The following CPSF7 variants were observed in gnomAD, a reference collection of about 807,000 sequenced individuals.
CPSF7 encodes the protein cleavage and polyadenylation specific factor 7.
A neutral mutation model predicts 44.3 loss-of-function variants in CPSF7; 1 was observed. That is an observed-to-expected ratio of 0.02 (90% CI 0.01 to 0.11). The LOEUF (loss-of-function observed/expected upper bound fraction) is 0.11. Among genes scored for constraint, CPSF7 ranks in the 10% least tolerant of loss-of-function variants. The probability of loss-of-function intolerance (pLI) is 1.00; values close to 1 mark genes in which losing one functional copy is unlikely to be tolerated. For missense variants in CPSF7, 443 were observed against 607.2 expected (o/e 0.73, Z 2.84); for synonymous variants, 202 against 222.0 (o/e 0.91, Z 0.80).
chr11:61,421,712 T>G lies in CPSF7; in HGVS notation c.55-104A>C, dbSNP rs12289629. The G allele has an allele frequency of 0.011, 8,705 of 814,852 alleles. 556 individuals carry two copies. In the African/African-American group the frequency reaches 0.13, roughly 12 times the overall value. 50.5% of individuals were successfully genotyped at this position (814,852 alleles called of 1,614,324 possible). The stretch of plus-strand genomic sequence containing the variant: ...CCAGTTAAATACTTGGTAAAACATG[T>G]ACAAAACTTCCTTGTCCTACCCCAG... On this transcript the variant is annotated intron_variant, in intron 2 of 9. Coordinates refer to ENST00000439958, the MANE Select transcript of CPSF7 (RefSeq NM_001142565.3).
intron 9 of CPSF7, among the ~76,000 whole-genome samples, chr11:61,408,402 C>G (rs1181541473): frequency 6.6e-6 from 1 of 152,014 alleles, no homozygotes; most frequent in African/African-American, 2.4e-5. Context: ...CCACCGTGCT[C>G]GGCCAAGGAC....
At position 61,403,057 on chromosome 11, in the gene CPSF7, T is replaced by C. The variant is rs1447589667; in HGVS notation, c.*1653A>G. ...TGGCCAGTTGGGTGGGGTGCCATGT[T>C]CTGAAGTGGAGGTGGGGATGGGGTT... is the stretch of plus-strand genomic sequence containing the variant. On this transcript the variant is annotated 3_prime_UTR_variant, in exon 10 of 10. Transcript: ENST00000439958. The C allele has an allele frequency of 6.6e-6, 1 of 151,936 alleles. No homozygotes were observed. Among genetic ancestry groups the C allele is most frequent in the East Asian group, 1.9e-4 (1 of 5,180 alleles). 9.4% of individuals were successfully genotyped at this position (151,936 alleles called of 1,614,324 possible).
chr11:61,421,459 A>G lies in CPSF7; in HGVS notation c.204T>C (p.Pro68=), dbSNP rs201724202. 6.2e-7 allele frequency: 1 copy of G among 1,614,174 alleles called. No individual in the cohort carries two copies. The highest frequency in any genetic ancestry group is 8.5e-7 in the Non-Finnish European group (1 of 1,180,020). The change falls in exon 3 of 10, where the codon CCT becomes CCC. Residue 68 remains proline (P), a synonymous_variant. Coordinates refer to ENST00000439958, the MANE Select transcript of CPSF7 (RefSeq NM_001142565.3). ...EPSPKPNNKT[P]AILYTYSGLR... is the part of the protein sequence containing the mutation. Reference sequence around the variant, plus strand: ...GGCCACTGTAGGTATACAGAATTGCAGGGGTCTTGTTGTTGGGCTTGGGAG... The same window carrying G: ...GGCCACTGTAGGTATACAGAATTGCGGGGGTCTTGTTGTTGGGCTTGGGAG...
chr11:61,416,062 T>C (rs766060620), intron 6 of CPSF7, 43 bp downstream of exon 6: 2 of 1,459,870 alleles, frequency 1.4e-6, no homozygotes, highest in Non-Finnish European at 1.8e-6. Flanking sequence ...CTTAATACAC[T>C]TATTTACCCT....
chr11:61,405,450 A>G (rs1323784839), intron 9 of CPSF7, among the ~76,000 whole-genome samples: 1 of 152,216 alleles, frequency 6.6e-6, no homozygotes, highest in Non-Finnish European at 1.5e-5. Flanking sequence ...AGGCCAGAAC[A>G]GAAAGCAGAG....
chr11:61,427,533 G>C (rs772601671), intron 2 of CPSF7, among the ~76,000 whole-genome samples: 7 of 151,630 alleles, frequency 4.6e-5, no homozygotes, highest in Middle Eastern at 3.2e-3. Flanking sequence ...CACGCCTGTA[G>C]TCCCAGCTAC....
intron 2 of CPSF7, chr11:61,428,836 T>C (rs1041343186): frequency 6.5e-5 from 11 of 169,110 alleles, no homozygotes; most frequent in Non-Finnish European, 2.5e-5. Flanking sequence ...ATCAACACTG[T>C]CCTCATGAAT....
chr11:61,413,293 A>G (rs1053561116), intron 7 of CPSF7, among the ~76,000 whole-genome samples: 3 of 152,152 alleles, frequency 2.0e-5, no homozygotes, highest in African/African-American at 7.2e-5. Flanking sequence ...GTGTGTATAT[A>G]TATGATATTT....
rs967500655 is a variant in CPSF7 at position 61,402,900 on chromosome 11, T to C, written c.*1810A>G. 1.3e-5 allele frequency: 2 copies of C among 152,378 alleles called. No individual in the cohort carries two copies. Among genetic ancestry groups the C allele is most frequent in the African/African-American group, 4.8e-5 (2 of 41,354 alleles). The allele number at this position is 152,378 out of a possible 1,614,324, so 9.4% of individuals were successfully genotyped here. The stretch of plus-strand genomic sequence containing the variant: ...TGTCATTGAGTAAAAACAAAACAAA[T>C]GGGGAGAAAAAAATTCTCCGGGTAA... On this transcript the variant is annotated 3_prime_UTR_variant, in exon 10 of 10. Transcript: ENST00000439958.
chr11:61,411,155 C>G, intron 8 of CPSF7, 50 bp from the exon 9 acceptor site: 1 of 1,533,502 alleles, frequency 6.5e-7, no homozygotes, highest in Non-Finnish European at 8.8e-7. Flanking sequence ...CACTTTCTTT[C>G]CAAGAATGTG....
intron 2 of CPSF7, among the ~76,000 whole-genome samples, chr11:61,423,147 A>C (rs1405830902): frequency 1.4e-5 from 2 of 144,744 alleles, no homozygotes; most frequent in African/African-American, 2.5e-5. Flanking sequence ...AGGATTCTAC[A>C]ATGTAATTAC....
At chr11:61,416,963 ACTTAAAATGTTCT>A (rs1368767792) in intron 5 of CPSF7, among the ~76,000 whole-genome samples, 4 of 152,122 alleles carry the variant, frequency 2.6e-5, no homozygotes, top group African/African-American at 9.7e-5. Flanking sequence ...CCTGTTGCAC[ACTTAAAATGTTCT>A]CTTTGCCACA....
intron 7 of CPSF7, among the ~76,000 whole-genome samples, chr11:61,414,367 C>CA (rs1331767378): frequency 6.6e-6 from 1 of 152,000 alleles, no homozygotes; most frequent in Non-Finnish European, 1.5e-5. Flanking sequence ...ATGCTGGTCT[C>CA]AAACTCCTGA....
chr11:61,429,613 AG>A, intron 1 of CPSF7: 1 of 879,300 alleles, frequency 1.1e-6, no homozygotes, highest in Non-Finnish European at 1.7e-6. Flanking sequence ...CGAAGCCCGC[AG>A]CCCCTATCCG....
intron 2 of CPSF7, among the ~76,000 whole-genome samples, chr11:61,428,158 T>C (rs1475741540): frequency 6.6e-6 from 1 of 152,218 alleles, no homozygotes; most frequent in Non-Finnish European, 1.5e-5. Flanking sequence ...CTTAACTGCA[T>C]GGAAGATTAT....
chr11:61,429,903 G>A lies in CPSF7; in HGVS notation c.-56+11C>T. The A allele has an allele frequency of 6.7e-7, 1 of 1,503,720 alleles. No homozygotes were observed. The highest frequency in any genetic ancestry group is 8.9e-7 in the Non-Finnish European group (1 of 1,122,056). The allele number at this position is 1,503,720 out of a possible 1,614,324, so 93.1% of individuals were successfully genotyped here. On this transcript the variant is annotated intron_variant, in intron 1 of 9. Transcript: ENST00000439958. ...CGGCCCAACCTGCCCCCGACCGCGC[G>A]CCCCCGTTACCGGGAATATGGCGGC...
intron 5 of CPSF7, among the ~76,000 whole-genome samples, chr11:61,418,772 G>A (rs919605230): frequency 2.0e-5 from 3 of 151,826 alleles, no homozygotes; most frequent in African/African-American, 7.3e-5. Context: ...AGGCTGGAAG[G>A]CAGTGGTGCA....
chr11:61,405,311 G>C lies in CPSF7; in HGVS notation c.*6-607C>G, dbSNP rs552880205. Among the ~76,000 whole-genome samples the C allele has an allele frequency of 2.4e-4, 36 of 152,240 alleles. No homozygotes were observed. The South Asian group carries it at 6.9e-3, about 29-fold the overall frequency. On this transcript the variant is annotated intron_variant, in intron 9 of 9. Transcript: ENST00000439958. ...GCTAAAAGTGCCTTTATGAGTATGTGTGTACACAAACACAGCCCCAGAGGT... is the reference window on the plus strand; with the variant it reads ...GCTAAAAGTGCCTTTATGAGTATGTCTGTACACAAACACAGCCCCAGAGGT...
At chr11:61,414,273 C>T (rs960861879) in intron 7 of CPSF7, among the ~76,000 whole-genome samples, 1 of 151,474 alleles carries the variant, frequency 6.6e-6, no homozygotes, top group Non-Finnish European at 1.5e-5. Context: ...TCTCGTGCCT[C>T]AGCCTCCCAA....
Sources: gnomAD v4.1 joint callset for allele counts (sites outside exome capture counted in the v4.1 genomes callset) on GRCh38, gnomAD v4.1.1 for gene constraint, MANE v1.5 for transcripts, NCBI Gene and HGNC (gene_info 2026-07-23, HGNC 2026-07-21) for gene names.